The following GORASP2 variants were observed in gnomAD, a reference collection of about 807,000 sequenced individuals.
GORASP2 encodes Golgi reassembly-stacking protein 2.
Under a neutral mutation model 45.7 loss-of-function variants are expected in GORASP2, and 22 were observed. The ratio of observed to expected loss-of-function variants is 0.48; its 90% confidence interval spans 0.34 to 0.69. The LOEUF is 0.69. GORASP2 is among the 30% of genes least tolerant of loss of function. The pLI, the probability that GORASP2 is intolerant of heterozygous loss-of-function variation, is 0.01. For synonymous variants in GORASP2, 221 were observed against 215.6 expected (o/e 1.02, Z -0.22); for missense variants, 491 against 562.7 (o/e 0.87, Z 1.29).
chr2:170,941,537 C>A (rs1704077565), intron 1 of GORASP2, among the ~76,000 whole-genome samples: 2 of 152,148 alleles, frequency 1.3e-5, no homozygotes, highest in African/African-American at 4.8e-5. Context: ...TGCACAACTC[C>A]CACCTCCACA....
chr2:170,951,332 A>T lies in GORASP2; in HGVS notation c.440A>T (p.Glu147Val). The T allele has an allele frequency of 6.3e-7, 1 of 1,598,020 alleles. No homozygotes were observed. The highest frequency in any genetic ancestry group is 1.7e-4 in the Middle Eastern group (1 of 6,006). The part of the protein sequence containing the change: ...IGADTVMNES[E>V]DLFSLIETHE... Reference sequence around the variant, plus strand: ...TCTCCTGTGACACTTTTGCAGTCTGAAGATCTATTCAGCCTTATCGAAACA... The same window carrying T: ...TCTCCTGTGACACTTTTGCAGTCTGTAGATCTATTCAGCCTTATCGAAACA... Residue 147 changes from glutamate to valine, a missense_variant, in exon 5 of 10, where the codon GAA becomes GTA. By Grantham distance (121) the Glu-to-Val change is moderately radical. Transcript: ENST00000234160.
chr2:170,962,119 G>A (rs1704576906), intron 8 of GORASP2, among the ~76,000 whole-genome samples: 1 of 152,246 alleles, frequency 6.6e-6, no homozygotes, highest in Admixed American at 6.5e-5. Context: ...AGCCTGAAGA[G>A]AAGGCTTCTT....
Position 170,943,356 on chromosome 2 carries a change from G to A in GORASP2, c.64-4994G>A, listed in dbSNP as rs180805271. On this transcript the variant is annotated intron_variant, in intron 1 of 9. Transcript: ENST00000234160. ...AAAAATAATGTTGTGTCCAGGAATT[G>A]GTTAGCTATAAAGACTTACCCTCAG... is the stretch of plus-strand genomic sequence containing the variant. Among the ~76,000 whole-genome samples the A allele has an allele frequency of 4.6e-5, 7 of 152,290 alleles. No homozygotes were observed. In the East Asian group the frequency reaches 1.2e-3, roughly 25 times the overall value.
At chr2:170,956,382 T>C (rs1279220347) in intron 6 of GORASP2, 54 bp from the exon 7 acceptor site, 2 of 1,503,966 alleles carry the variant, frequency 1.3e-6, no homozygotes, top group Admixed American at 3.9e-5. Context: ...ATATTTATAT[T>C]TTCTTTGAAA....
chr2:170,953,103 A>T lies in GORASP2; in HGVS notation c.567-1547A>T, dbSNP rs576163346. On this transcript the variant is annotated intron_variant, in intron 5 of 9. Transcript: ENST00000234160. The stretch of plus-strand genomic sequence containing the variant: ...TGGCATGGTGGCTCACGCCTGTAGT[A>T]CTACCGCTTTGGGAGGCTGAGGCGG... Among the ~76,000 whole-genome samples, 10 of 152,280 alleles carry T rather than the reference A, an allele frequency of 6.6e-5. No individual in the cohort carries two copies. The East Asian group carries it at 1.9e-3, about 29-fold the overall frequency.
At chr2:170,963,602 T>C (rs1431119208) in intron 9 of GORASP2, among the ~76,000 whole-genome samples, 1 of 151,156 alleles carries the variant, frequency 6.6e-6, no homozygotes, top group East Asian at 1.9e-4. Context: ...TCCCCACCAT[T>C]CTCATCACCC....
chr2:170,933,109 A>G (rs201027431), intron 1 of GORASP2, among the ~76,000 whole-genome samples: 2 of 152,368 alleles, frequency 1.3e-5, no homozygotes, highest in East Asian at 3.9e-4. Context: ...ATAGTCACCC[A>G]AAGTGTAGAT....
chr2:170,945,429 TG>T (rs976588728), intron 1 of GORASP2, among the ~76,000 whole-genome samples: 8 of 149,608 alleles, frequency 5.3e-5, no homozygotes, highest in Non-Finnish European at 1.2e-4. Context: ...CCCAGCTGCT[TG>T]GGAGGCCAGG....
At chr2:170,940,547 G>C (rs1410221014) in intron 1 of GORASP2, among the ~76,000 whole-genome samples, 1 of 151,440 alleles carries the variant, frequency 6.6e-6, no homozygotes, top group Non-Finnish European at 1.5e-5. Flanking sequence ...AGTTAGGTCT[G>C]TGTGTTAAAA....
At chr2:170,937,044 C>G (rs375545898) in intron 1 of GORASP2, among the ~76,000 whole-genome samples, 1 of 151,978 alleles carries the variant, frequency 6.6e-6, no homozygotes, top group African/African-American at 2.4e-5. Flanking sequence ...CCCCTCTCTA[C>G]AAAAAATACA....
At chr2:170,941,308 T>C (rs1440959022) in intron 1 of GORASP2, among the ~76,000 whole-genome samples, 3 of 152,200 alleles carry the variant, frequency 2.0e-5, no homozygotes, top group Non-Finnish European at 4.4e-5. Context: ...TTCAGCTGCT[T>C]TATTATGTTT....
intron 1 of GORASP2, among the ~76,000 whole-genome samples, chr2:170,935,750 A>G (rs924443857): frequency 7.3e-5 from 11 of 150,862 alleles, no homozygotes; most frequent in South Asian, 2.1e-4. Flanking sequence ...AATTTTTTGT[A>G]TTTTCGGTAG....
Position 170,954,690 on chromosome 2 carries a change from C to T in GORASP2, c.607C>T (p.Pro203Ser), listed in dbSNP as rs1347012669. The T allele has an allele frequency of 6.2e-7, 1 of 1,612,950 alleles. No homozygotes were observed. Among genetic ancestry groups the T allele is most frequent in the Non-Finnish European group, 8.5e-7 (1 of 1,179,148 alleles). Residue 203 changes from proline to serine, a missense_variant, in exon 6 of 10, where the codon CCT (proline) becomes TCT (serine). Pro to Ser is a moderately conservative substitution (Grantham distance 74). Transcript: ENST00000234160. ...GIGYGYLHRI[P>S]TRPFEEGKKI... ...TGGATATGGTTATTTGCATCGAATACCTACACGCCCATTTGAGGAAGGAAA... is the reference window on the plus strand; with the variant it reads ...TGGATATGGTTATTTGCATCGAATATCTACACGCCCATTTGAGGAAGGAAA...
upstream of GORASP2, chr2:170,929,244 C>G: frequency 1.0e-6 from 1 of 970,892 alleles, no homozygotes; most frequent in Non-Finnish European, 1.4e-6. Flanking sequence ...GCAGCGAGTG[C>G]CACGTCCCAA....
At chr2:170,956,689 C>A in intron 7 of GORASP2, 130 bp downstream of exon 7, 1 of 703,342 alleles carries the variant, frequency 1.4e-6, no homozygotes, top group Non-Finnish European at 2.2e-6. Flanking sequence ...GGCAGGATTG[C>A]TTGAGCTCAG....
In GORASP2 at chr2:170,966,299, A is replaced by T. The variant is rs1246075389; in HGVS notation, c.*169A>T. On this transcript the variant is annotated 3_prime_UTR_variant, in exon 10 of 10. Transcript: ENST00000234160. ...ACGTGGGTTGTATCCTGCCAGGTTG[A>T]GTGGGGCTCACACGCTAGGGTGAGA... The T allele has an allele frequency of 1.6e-6, 1 of 619,220 alleles. No homozygotes were observed. Among genetic ancestry groups the T allele is most frequent in the African/African-American group, 1.8e-5 (1 of 54,470 alleles). The allele number at this position is 619,220 out of a possible 1,614,324, so 38.4% of individuals were successfully genotyped here. A position where few individuals can be genotyped will look rare whatever the true frequency, so the allele number is the denominator to read the frequency against.
At chr2:170,929,514 A>T in intron 1 of GORASP2, 111 bp downstream of exon 1, 21 of 919,620 alleles carry the variant, frequency 2.3e-5, no homozygotes, top group Non-Finnish European at 3.0e-5. Context: ...CGATCCCGCG[A>T]AGGAGCGGCG....
chr2:170,929,664 G>GC, intron 1 of GORASP2: 1 of 613,626 alleles, frequency 1.6e-6, no homozygotes, highest in South Asian at 1.6e-5. Flanking sequence ...CGGCCAGGGG[G>GC]CGGCCCTGGG....
chr2:170,949,616 C>T lies in GORASP2; in HGVS notation c.222C>T (p.Ser74=). 6.2e-7 allele frequency: 1 copy of T among 1,613,922 alleles called. No homozygotes were observed. The highest frequency in any genetic ancestry group is 2.2e-5 in the East Asian group (1 of 44,882). ...CTGTAAAGATGCTTATCTATAGCAG[C>T]AAAACATTGGAACTGCGAGAGACCT... ...EKPVKMLIYS[S]KTLELRETSV... Residue 74 remains serine (S), a synonymous_variant, in exon 3 of 10, where the codon AGC becomes AGT. Coordinates refer to ENST00000234160, the MANE Select transcript of GORASP2 (RefSeq NM_015530.5).
Sources: gnomAD v4.1 joint callset for allele counts (sites outside exome capture counted in the v4.1 genomes callset) on GRCh38, gnomAD v4.1.1 for gene constraint, MANE v1.5 for transcripts, NCBI Gene and HGNC (gene_info 2026-07-23, HGNC 2026-07-21) for gene names.